Variants in OARD1 observed in about 807,000 individuals in gnomAD.
The protein encoded by OARD1 is O-acyl-ADP-ribose deacylase 1.
A neutral mutation model predicts 19.7 loss-of-function variants in OARD1; 19 were observed. That is an observed-to-expected ratio of 0.96 (90% CI 0.67 to 1.41). The LOEUF (loss-of-function observed/expected upper bound fraction) is 1.41. Ranked by LOEUF, OARD1 falls within the 40% of genes most tolerant of loss-of-function variation. The probability of loss-of-function intolerance (pLI) is 0.00; values close to 1 mark genes in which losing one functional copy is unlikely to be tolerated. For missense variants in OARD1, 190 were observed against 183.8 expected (o/e 1.03, Z -0.20); for synonymous variants, 70 against 61.8 (o/e 1.13, Z -0.62).
At chr6:41,090,370 A>G in intron 1 of OARD1, 3 of 988,222 alleles carry the variant, frequency 3.0e-6, no homozygotes, top group East Asian at 2.4e-5. Flanking sequence ...CCCTTAGACA[A>G]CTGACATCTT....
chr6:41,081,407 G>A (rs1013660383), intron 1 of OARD1, among the ~76,000 whole-genome samples: 46 of 151,900 alleles, frequency 3.0e-4, no homozygotes, highest in African/African-American at 9.2e-4. Context: ...GGAGAATGGC[G>A]TGAACCCAGG....
chr6:41,071,654 C>T lies in OARD1; in HGVS notation c.-20G>A. 1.2e-6 allele frequency: 2 copies of T among 1,609,970 alleles called. No homozygotes were observed. Among genetic ancestry groups the T allele is most frequent in the Non-Finnish European group, 1.7e-6 (2 of 1,176,232 alleles). ...GGCCATGATACTGAGTCGCTATTTC[C>T]AGAATTTAAGTGTTTCTTCAGCTAT... On this transcript the variant is annotated 5_prime_UTR_variant, in exon 2 of 6. Coordinates refer to ENST00000424266, the MANE Select transcript of OARD1 (RefSeq NM_001329686.2).
chr6:41,094,784 C>T (rs1348906481), intron 1 of OARD1, among the ~76,000 whole-genome samples: 1 of 152,134 alleles, frequency 6.6e-6, no homozygotes, highest in Admixed American at 6.6e-5. Flanking sequence ...CAAAAAAATA[C>T]AAAAACTAGC....
At chr6:41,075,236 G>C (rs1299047468), upstream of OARD1, 3 of 152,142 alleles carry the variant, frequency 2.0e-5, no homozygotes, top group Non-Finnish European at 4.4e-5. Flanking sequence ...ATCCAGGCTG[G>C]AGTACAGTGG....
At chr6:41,084,179 A>C in intron 1 of OARD1, 1 of 1,613,952 alleles carries the variant, frequency 6.2e-7, no homozygotes, top group Non-Finnish European at 8.5e-7. Flanking sequence ...TCTGGAACAC[A>C]GGGTTTGCAG....
chr6:41,078,912 A>G, intron 1 of OARD1: 2 of 536,828 alleles, frequency 3.7e-6, no homozygotes, highest in Non-Finnish European at 6.7e-6. Context: ...AGCATTTCCT[A>G]TTCTCCTATC....
intron 1 of OARD1, among the ~76,000 whole-genome samples, chr6:41,093,451 G>A (rs911840102): frequency 1.3e-5 from 2 of 151,622 alleles, no homozygotes; most frequent in African/African-American, 4.8e-5. Context: ...GGAAGAAAGG[G>A]AACAAGAAAG....
intron 1 of OARD1, among the ~76,000 whole-genome samples, chr6:41,087,868 A>G (rs760514268): frequency 6.6e-6 from 1 of 152,232 alleles, no homozygotes; most frequent in Non-Finnish European, 1.5e-5. Flanking sequence ...TAAAGTGGCT[A>G]TAGCCATTAA....
In OARD1 at chr6:41,067,297, CACAGGAGAACACGGAA is replaced by C. The variant is rs768257950; in HGVS notation, c.*22_*37del. ...CGGTCCTATGGCCCAGTAGAGATGACACAGGAGAACACGGAAACATCCAAAATGTTCACTGGTTCAG... is the reference window on the plus strand; with the variant it reads ...CGGTCCTATGGCCCAGTAGAGATGACACATCCAAAATGTTCACTGGTTCAG... On this transcript the variant is annotated 3_prime_UTR_variant, in exon 6 of 6. Coordinates refer to ENST00000424266, the MANE Select transcript of OARD1 (RefSeq NM_001329686.2). 14 of 1,379,112 alleles carry C rather than the reference CACAGGAGAACACGGAA, an allele frequency of 1.0e-5. No homozygotes were observed. The highest frequency in any genetic ancestry group is 1.3e-5 in the Non-Finnish European group (13 of 969,220). The allele number at this position is 1,379,112 out of a possible 1,614,324, so 85.4% of individuals were successfully genotyped here.
At chr6:41,083,212 G>C (rs995223150) in intron 1 of OARD1, among the ~76,000 whole-genome samples, 30 of 152,204 alleles carry the variant, frequency 2.0e-4, no homozygotes, top group African/African-American at 6.8e-4. Context: ...GACTTAAGAT[G>C]TGACAGAGCA....
At chr6:41,087,670 A>C (rs1764083543) in intron 1 of OARD1, among the ~76,000 whole-genome samples, 1 of 152,178 alleles carries the variant, frequency 6.6e-6, no homozygotes, top group African/African-American at 2.4e-5. Flanking sequence ...AAAATACAAG[A>C]CATTTTGAGC....
At chr6:41,097,416 C>A (rs148809160) in intron 1 of OARD1, 1 of 1,613,740 alleles carries the variant, frequency 6.2e-7, no homozygotes, top group South Asian at 1.1e-5. Flanking sequence ...CCTAACCCCA[C>A]GCCATGTGAT....
intron 5 of OARD1, among the ~76,000 whole-genome samples, chr6:41,067,989 G>A (rs1192690630): frequency 6.6e-6 from 1 of 151,770 alleles, no homozygotes; most frequent in Admixed American, 6.6e-5. Flanking sequence ...CTTCCAAGAT[G>A]TTACTCTAGT....
intron 1 of OARD1, among the ~76,000 whole-genome samples, chr6:41,083,059 GA>G (rs1248554673): frequency 2.6e-5 from 4 of 152,210 alleles, no homozygotes; most frequent in Non-Finnish European, 4.4e-5. Context: ...TTTCAGTCAT[GA>G]ATATTCTGTT....
intron 1 of OARD1, chr6:41,094,469 C>T: frequency 6.2e-7 from 1 of 1,614,082 alleles, no homozygotes; most frequent in Non-Finnish European, 8.5e-7. Flanking sequence ...TTTTTCTCTC[C>T]AAAGGAAAAG....
At chr6:41,079,179 C>T in intron 1 of OARD1, 1 of 1,613,054 alleles carries the variant, frequency 6.2e-7, no homozygotes, top group Non-Finnish European at 8.5e-7. Context: ...GGAAGCAAAA[C>T]TGCTTTAAAC....
At chr6:41,069,065 T>C in intron 4 of OARD1, 112 bp from the exon 5 acceptor site, 1 of 596,564 alleles carries the variant, frequency 1.7e-6, no homozygotes, top group Non-Finnish European at 2.9e-6. Context: ...TTTATAGAAT[T>C]AGTCTAGAGC....
chr6:41,085,308 A>G (rs957931659), intron 1 of OARD1, among the ~76,000 whole-genome samples: 1 of 152,252 alleles, frequency 6.6e-6, no homozygotes, highest in Non-Finnish European at 1.5e-5. Context: ...TAAAATTGCA[A>G]TCTGAGTGTC....
chr6:41,074,208 T>C (rs62396284), upstream of OARD1, among the ~76,000 whole-genome samples: 1 of 152,212 alleles, frequency 6.6e-6, no homozygotes, highest in Non-Finnish European at 1.5e-5. Context: ...TGATACACTT[T>C]CAAGTCCTGT....
Sources: gnomAD v4.1 joint callset for allele counts (sites outside exome capture counted in the v4.1 genomes callset) on GRCh38, gnomAD v4.1.1 for gene constraint, MANE v1.5 for transcripts, NCBI Gene and HGNC (gene_info 2026-07-23, HGNC 2026-07-21) for gene names.